The following GPR39 variants were observed in gnomAD, a reference collection of about 807,000 sequenced individuals.
GPR39 encodes G protein-coupled receptor 39.
Under a neutral mutation model 18.4 loss-of-function variants are expected in GPR39, and 23 were observed. The observed-to-expected ratio is 1.25, with a 90% CI of 0.90 to 1.77. The LOEUF (loss-of-function observed/expected upper bound fraction) is 1.77, where lower values mean the gene tolerates loss of function less well. GPR39 is among the 40% of genes most tolerant of loss of function. The pLI, the probability that GPR39 is intolerant of heterozygous loss-of-function variation, is 0.00. For missense variants in GPR39, 647 were observed against 602.4 expected, an observed-to-expected ratio of 1.07 and a Z score of -0.78; for synonymous variants, 280 against 257.9, an observed-to-expected ratio of 1.09 and a Z score of -0.82.
intron 1 of GPR39, among the ~76,000 whole-genome samples, chr2:132,580,993 A>AC (rs1183030363): frequency 2.0e-5 from 3 of 151,610 alleles, no homozygotes; most frequent in African/African-American, 7.3e-5. Context: ...AACACCAAAA[A>AC]AAAACAACAA....
At chr2:132,611,896 A>G (rs1681245312) in intron 1 of GPR39, among the ~76,000 whole-genome samples, 1 of 152,208 alleles carries the variant, frequency 6.6e-6, no homozygotes, top group Non-Finnish European at 1.5e-5. Flanking sequence ...GTGAGGCATT[A>G]GCCTTTATCA....
intron 1 of GPR39, among the ~76,000 whole-genome samples, chr2:132,542,963 G>A (rs1171899284): frequency 6.6e-6 from 1 of 152,146 alleles, no homozygotes; most frequent in East Asian, 1.9e-4. Context: ...GATGCTGCTT[G>A]CCTTCTTCCT....
chr2:132,469,761 C>T lies in GPR39; in HGVS notation c.856+51863C>T, dbSNP rs558966647. Reference sequence around the variant, plus strand: ...AGGGCCCATTACTGTTAATAGGAGCCTCTCCCGAGCACCTGCTAGAGACTA... The same window carrying T: ...AGGGCCCATTACTGTTAATAGGAGCTTCTCCCGAGCACCTGCTAGAGACTA... On this transcript the variant is annotated intron_variant, in intron 1 of 1. Transcript: ENST00000329321. Among the ~76,000 whole-genome samples the T allele has an allele frequency of 2.0e-3, 308 of 152,310 alleles. 1 individual carries two copies. Among genetic ancestry groups the T allele is most frequent in the Middle Eastern group, 3.4e-3 (1 of 294 alleles).
intron 1 of GPR39, among the ~76,000 whole-genome samples, chr2:132,544,403 A>G (rs980580916): frequency 2.0e-5 from 3 of 152,206 alleles, no homozygotes; most frequent in Non-Finnish European, 4.4e-5. Context: ...CTAGTCCCTG[A>G]TCAATCAGCC....
chr2:132,468,350 A>C (rs779377280), intron 1 of GPR39, among the ~76,000 whole-genome samples: 14 of 152,228 alleles, frequency 9.2e-5, no homozygotes, highest in Admixed American at 4.6e-4. Flanking sequence ...GATTAACTGC[A>C]ATAGGGGAAG....
intron 1 of GPR39, among the ~76,000 whole-genome samples, chr2:132,493,034 T>TATATACACTATATATACTATATATATACC (rs1304900935): frequency 7.7e-6 from 1 of 130,280 alleles, no homozygotes; most frequent in African/African-American, 3.1e-5. Context: ...ATATATACCA[T>TATATACACTATATATACTATATATATACC]ATATATACCA....
chr2:132,541,429 TA>T (rs1679860147), intron 1 of GPR39, among the ~76,000 whole-genome samples: 1 of 152,214 alleles, frequency 6.6e-6, no homozygotes, highest in South Asian at 2.1e-4. Context: ...GCTGGGATCA[TA>T]AACTGTCTGG....
intron 1 of GPR39, among the ~76,000 whole-genome samples, chr2:132,537,005 G>A (rs1233577335): frequency 6.6e-6 from 1 of 152,126 alleles, no homozygotes; most frequent in East Asian, 1.9e-4. Flanking sequence ...ACACCCGTGG[G>A]TCTTGACTCT....
At chr2:132,515,908 T>C (rs533436400) in intron 1 of GPR39, among the ~76,000 whole-genome samples, 1 of 152,320 alleles carries the variant, frequency 6.6e-6, no homozygotes, top group East Asian at 1.9e-4. Context: ...TAAAAATACA[T>C]GGTTTTCCCT....
intron 1 of GPR39, among the ~76,000 whole-genome samples, chr2:132,549,799 G>A (rs1431165017): frequency 6.6e-6 from 1 of 152,012 alleles, no homozygotes. Context: ...AAAAAAAAGA[G>A]CTTCAGATGA....
chr2:132,460,908 A>C lies in GPR39; in HGVS notation c.856+43010A>C, dbSNP rs191928567. Among the ~76,000 whole-genome samples the C allele has an allele frequency of 2.6e-5, 4 of 152,264 alleles. No individual in the cohort carries two copies. In the East Asian group the frequency reaches 7.7e-4, roughly 29 times the overall value. ...TTGGGTGTATGGGTCAGCAAAGCCG[A>C]GAGCAGGCTGCCAGGGACATCCTGG... On this transcript the variant is annotated intron_variant, in intron 1 of 1. Transcript: ENST00000329321.
At chr2:132,529,923 G>T (rs182271359) in intron 1 of GPR39, among the ~76,000 whole-genome samples, 6,918 of 152,150 alleles carry the variant, frequency 0.045, 220 homozygotes, top group African/African-American at 0.077. Context: ...CAGAAAAACC[G>T]GAAACTCTAA....
rs541807378 is a variant in GPR39, at chr2:132,626,506, G to T, written c.857-18595G>T. Among the ~76,000 whole-genome samples the T allele has an allele frequency of 3.9e-5, 6 of 152,274 alleles. No individual in the cohort carries two copies. In the East Asian group the frequency reaches 5.8e-4, roughly 15 times the overall value. ...CCTGAGGGAAGAGAAAGGAGAGCTG[G>T]TTTTTTCTTTTTTTAAACAAGAACC... On this transcript the variant is annotated intron_variant, in intron 1 of 1. Coordinates refer to ENST00000329321, the MANE Select transcript of GPR39 (RefSeq NM_001508.3).
chr2:132,539,844 G>A (rs1679832134), intron 1 of GPR39, among the ~76,000 whole-genome samples: 1 of 152,254 alleles, frequency 6.6e-6, no homozygotes, highest in South Asian at 2.1e-4. Flanking sequence ...GAGTCTGTGG[G>A]ATGGGCAATG....
chr2:132,457,727 T>C (rs7604259), intron 1 of GPR39, among the ~76,000 whole-genome samples: 76,254 of 152,178 alleles, frequency 0.5, 20,881 homozygotes, highest in Non-Finnish European at 0.62. Flanking sequence ...TTCAGCTATG[T>C]TTTGCCCACA....
chr2:132,603,996 T>A (rs571106074), intron 1 of GPR39, among the ~76,000 whole-genome samples: 2 of 152,158 alleles, frequency 1.3e-5, no homozygotes, highest in African/African-American at 2.4e-5. Flanking sequence ...CATGTGTGTT[T>A]GTGCTGACTG....
At chr2:132,493,494 TATATATACACC>T (rs1224797608) in intron 1 of GPR39, among the ~76,000 whole-genome samples, 97 of 103,148 alleles carry the variant, frequency 9.4e-4, no homozygotes, top group African/African-American at 3.8e-3. Context: ...ACACCATATA[TATATATACACC>T]ATATATATAT....
intron 1 of GPR39, among the ~76,000 whole-genome samples, chr2:132,621,794 G>A (rs574996444): frequency 5.9e-5 from 9 of 152,254 alleles, no homozygotes; most frequent in African/African-American, 1.2e-4. Context: ...ATTGCAGGGC[G>A]TGAATTTATA....
At chr2:132,487,488 T>C (rs1029871160) in intron 1 of GPR39, among the ~76,000 whole-genome samples, 1 of 152,198 alleles carries the variant, frequency 6.6e-6, no homozygotes, top group Admixed American at 6.5e-5. Context: ...GTGTCAGTAT[T>C]AATAGACACA....
Sources: allele counts gnomAD v4.1 joint callset (sites outside exome capture counted in the v4.1 genomes callset), GRCh38; gene constraint gnomAD v4.1.1; transcripts MANE v1.5; gene names NCBI Gene and HGNC (gene_info 2026-07-23, HGNC 2026-07-21).